The following TM9SF2 variants were observed in gnomAD, a reference collection of about 807,000 sequenced individuals.
The protein encoded by TM9SF2 is 76 kDa membrane protein.
Under a neutral mutation model 84.9 loss-of-function variants are expected in TM9SF2, and 13 were observed. That is an observed-to-expected ratio of 0.15 (90% CI 0.10 to 0.24). The LOEUF (loss-of-function observed/expected upper bound fraction) is 0.24, where lower values mean the gene tolerates loss of function less well. Ranked by LOEUF, TM9SF2 falls within the 10% of genes least tolerant of loss-of-function variation. The pLI is 1.00. For synonymous variants in TM9SF2, 273 were observed against 285.8 expected, an observed-to-expected ratio of 0.96 and a Z score of 0.45; for missense variants, 562 against 818.5, an observed-to-expected ratio of 0.69 and a Z score of 3.82.
intron 5 of TM9SF2, 76 bp from the exon 6 acceptor site, chr13:99,537,663 G>A (rs1284947683): frequency 8.5e-7 from 1 of 1,182,222 alleles, no homozygotes; most frequent in African/African-American, 1.6e-5. Flanking sequence ...ACTTGTTGTA[G>A]CCCATTTTAA....
In TM9SF2 at chr13:99,563,728, T is replaced by A. The variant is rs2046353563; in HGVS notation, c.*970T>A. ...GTGTTTTAAGTCAGGTTTTATTACCTGGACATTAGCAATCACTAGCAAGTC... is the reference window on the plus strand; with the variant it reads ...GTGTTTTAAGTCAGGTTTTATTACCAGGACATTAGCAATCACTAGCAAGTC... On this transcript the variant is annotated 3_prime_UTR_variant, in exon 17 of 17. Coordinates refer to ENST00000376387, the MANE Select transcript of TM9SF2 (RefSeq NM_004800.3). 6.6e-6 allele frequency: 1 copy of A among 152,252 alleles called. No homozygotes were observed. Among genetic ancestry groups the A allele is most frequent in the Non-Finnish European group, 1.5e-5 (1 of 68,042 alleles). The allele number at this position is 152,252 out of a possible 1,614,324, so 9.4% of individuals were successfully genotyped here.
At chr13:99,509,188 A>G (rs1472372873) in intron 1 of TM9SF2, among the ~76,000 whole-genome samples, 1 of 152,092 alleles carries the variant, frequency 6.6e-6, no homozygotes, top group Non-Finnish European at 1.5e-5. Context: ...ACAAGGTTCA[A>G]CCCCCACAGC....
chr13:99,537,654 C>A (rs1195665638), intron 5 of TM9SF2, 85 bp from the exon 6 acceptor site: 1 of 1,083,556 alleles, frequency 9.2e-7, no homozygotes, highest in Non-Finnish European at 1.3e-6. Flanking sequence ...AATTTTCTTA[C>A]TTGTTGTAGC....
At position 99,529,512 on chromosome 13, in the gene TM9SF2, A is replaced by C; in HGVS notation, c.379A>C (p.Thr127Pro). The change falls in exon 4 of 17, where the codon ACA becomes CCA. Residue 127 changes from threonine (T) to proline (P), a missense_variant. Physicochemically the swap from Thr to Pro is conservative, Grantham distance 38. Transcript: ENST00000376387. ...KETCKLVCTK[T>P]YHTEKAEDKQ... ...GACCTGTAAGCTTGTTTGTACAAAA[A>C]CATACCATACAGAGAAAGCTGAAGA... 1 of 1,594,780 alleles carries C rather than the reference A, an allele frequency of 6.3e-7. No individual in the cohort carries two copies. The highest frequency in any genetic ancestry group is 1.4e-5 in the African/African-American group (1 of 73,800).
chr13:99,506,331 T>C (rs1362072908), intron 1 of TM9SF2, among the ~76,000 whole-genome samples: 1 of 152,222 alleles, frequency 6.6e-6, no homozygotes, highest in East Asian at 1.9e-4. Flanking sequence ...TGATAAATAT[T>C]TATCGATATG....
intron 12 of TM9SF2, among the ~76,000 whole-genome samples, chr13:99,550,673 A>G (rs528323086): frequency 9.2e-5 from 14 of 152,338 alleles, no homozygotes; most frequent in South Asian, 8.3e-4. Flanking sequence ...AATAACAGGA[A>G]ATCTAGTCAT....
At chr13:99,522,345 T>C (rs1305345830) in intron 3 of TM9SF2, among the ~76,000 whole-genome samples, 1 of 152,126 alleles carries the variant, frequency 6.6e-6, no homozygotes, top group Non-Finnish European at 1.5e-5. Context: ...TAATCTGAAA[T>C]TGTCTACCCT....
chr13:99,555,140 C>T (rs1228007001), intron 14 of TM9SF2, among the ~76,000 whole-genome samples: 1 of 152,164 alleles, frequency 6.6e-6, no homozygotes, highest in African/African-American at 2.4e-5. Context: ...TAGAACATAT[C>T]TTTGCTTCTT....
intron 15 of TM9SF2, among the ~76,000 whole-genome samples, chr13:99,557,471 C>T (rs1042868651): frequency 4.6e-5 from 7 of 151,806 alleles, no homozygotes; most frequent in African/African-American, 1.5e-4. Context: ...ATAGGTTATC[C>T]TTTTCACTTT....
At chr13:99,503,369 A>G (rs2046074815) in intron 1 of TM9SF2, among the ~76,000 whole-genome samples, 1 of 152,216 alleles carries the variant, frequency 6.6e-6, no homozygotes, top group Non-Finnish European at 1.5e-5. Context: ...CTAAAACAAA[A>G]TGAGGAAACA....
chr13:99,549,326 C>T (rs1326093404), intron 12 of TM9SF2, 104 bp downstream of exon 12: 2 of 828,082 alleles, frequency 2.4e-6, no homozygotes, highest in African/African-American at 3.5e-5. Flanking sequence ...AATCATGTAC[C>T]TAAGAAAGTA....
intron 1 of TM9SF2, among the ~76,000 whole-genome samples, 181 bp from the exon 2 acceptor site, chr13:99,517,433 G>A (rs908977493): frequency 5.3e-5 from 8 of 152,162 alleles, no homozygotes; most frequent in African/African-American, 1.9e-4. Flanking sequence ...CCTTACTTTG[G>A]TATATTTTAA....
At chr13:99,559,589 C>T (rs1039796612) in intron 16 of TM9SF2, 55 bp downstream of exon 16, 3 of 1,451,904 alleles carry the variant, frequency 2.1e-6, no homozygotes, top group Non-Finnish European at 2.8e-6. Flanking sequence ...AGACAAATAA[C>T]TTATAAATGT....
Position 99,562,939 on chromosome 13 carries a change from T to C in TM9SF2, c.*181T>C, listed in dbSNP as rs2046350576. On this transcript the variant is annotated 3_prime_UTR_variant, in exon 17 of 17. Transcript: ENST00000376387. ...CCCCCATAAGATGTGTCTTCAACAC[T>C]ATAAAGCATTTGTATTGTGATTTGA... is the stretch of plus-strand genomic sequence containing the variant. The C allele has an allele frequency of 1.9e-6, 1 of 519,536 alleles. No homozygotes were observed. 32.2% of individuals were successfully genotyped at this position (519,536 alleles called of 1,614,324 possible).
intron 3 of TM9SF2, among the ~76,000 whole-genome samples, chr13:99,520,782 C>CTGG (rs1433507321): frequency 6.6e-6 from 1 of 152,168 alleles, no homozygotes; most frequent in Admixed American, 6.5e-5. Context: ...ATTGGTCAGG[C>CTGG]TGGTCTCAAA....
intron 3 of TM9SF2, among the ~76,000 whole-genome samples, chr13:99,527,742 G>T (rs972300206): frequency 4.6e-5 from 7 of 152,202 alleles, no homozygotes; most frequent in Non-Finnish European, 1.0e-4. Flanking sequence ...AAAGCTGGTG[G>T]TGAGATACAT....
intron 1 of TM9SF2, among the ~76,000 whole-genome samples, chr13:99,503,709 C>CA (rs386380419): frequency 0.023 from 1,768 of 77,950 alleles, 67 homozygotes; most frequent in African/African-American, 0.053. Flanking sequence ...GACTTTGTCT[C>CA]AAAAAAAAAA....
rs1477155588 is a variant in TM9SF2 at position 99,552,113 on chromosome 13, A to G, written c.1329-54A>G. 4.6e-6 allele frequency: 7 copies of G among 1,514,742 alleles called. No individual in the cohort carries two copies. The South Asian group carries it at 5.9e-5, about 13-fold the overall frequency. 93.8% of individuals were successfully genotyped at this position (1,514,742 alleles called of 1,614,324 possible). On this transcript the variant is annotated intron_variant, in intron 12 of 16. Transcript: ENST00000376387. ...GAAGTTGTCATATTAATTACATACT[A>G]CTGTTGCATTTTGTTATCTCTGGTT...
intron 4 of TM9SF2, among the ~76,000 whole-genome samples, chr13:99,532,153 G>A (rs560096396): frequency 4.6e-5 from 7 of 151,662 alleles, no homozygotes; most frequent in Admixed American, 4.6e-4. Context: ...CCGGGTCCAC[G>A]CCATTCTCCT....
Sources: gnomAD v4.1 joint callset for allele counts (sites outside exome capture counted in the v4.1 genomes callset) on GRCh38, gnomAD v4.1.1 for gene constraint, MANE v1.5 for transcripts, NCBI Gene and HGNC (gene_info 2026-07-23, HGNC 2026-07-21) for gene names.